Variants in ATE1 observed in about 807,000 individuals in gnomAD.
ATE1 encodes the protein arginyltransferase 1.
ATE1 carries 36 observed loss-of-function variants against 70.5 expected under a neutral mutation model. That is an observed-to-expected ratio of 0.51 (90% CI 0.39 to 0.67). The LOEUF is 0.67. Among genes scored for constraint, ATE1 ranks in the 30% least tolerant of loss-of-function variants. The pLI is 0.00. For synonymous variants in ATE1, 232 were observed against 219.3 expected, an observed-to-expected ratio of 1.06 and a Z score of -0.51; for missense variants, 593 against 629.5, an observed-to-expected ratio of 0.94 and a Z score of 0.62.
intron 11 of ATE1, among the ~76,000 whole-genome samples, chr10:121,752,064 G>T (rs1420557697): frequency 6.6e-6 from 1 of 151,110 alleles, no homozygotes; most frequent in Admixed American, 6.6e-5. Context: ...AGGCACGGTG[G>T]CGGCCGCCTG....
At chr10:121,823,814 C>T (rs1564870134) in intron 10 of ATE1, among the ~76,000 whole-genome samples, 1 of 152,176 alleles carries the variant, frequency 6.6e-6, no homozygotes. Flanking sequence ...ATTAACATGG[C>T]AAGTGCTTTA....
At chr10:121,916,415 G>C (rs1218014531) in intron 3 of ATE1, among the ~76,000 whole-genome samples, 1 of 152,090 alleles carries the variant, frequency 6.6e-6, no homozygotes, top group Non-Finnish European at 1.5e-5. Flanking sequence ...TTTGAGCAGT[G>C]AATCAAAGTT....
chr10:121,835,691 T>G (rs1473159061), intron 10 of ATE1, among the ~76,000 whole-genome samples: 1 of 152,170 alleles, frequency 6.6e-6, no homozygotes, highest in African/African-American at 2.4e-5. Flanking sequence ...AAATTGTGAT[T>G]ACATTTTCAA....
At chr10:121,844,130 T>C (rs1948729259) in intron 8 of ATE1, among the ~76,000 whole-genome samples, 1 of 152,252 alleles carries the variant, frequency 6.6e-6, no homozygotes, top group Non-Finnish European at 1.5e-5. Flanking sequence ...TTGGGTGTCA[T>C]GGCTTATGCC....
intron 10 of ATE1, among the ~76,000 whole-genome samples, chr10:121,823,794 C>T (rs935902947): frequency 2.0e-5 from 3 of 152,200 alleles, no homozygotes; most frequent in African/African-American, 7.2e-5. Flanking sequence ...CCCCTTAAAA[C>T]TTACCTTTAA....
At chr10:121,771,591 T>C (rs774884774) in intron 11 of ATE1, among the ~76,000 whole-genome samples, 16 of 152,228 alleles carry the variant, frequency 1.1e-4, no homozygotes, top group Non-Finnish European at 2.4e-4. Flanking sequence ...TTTAGTTTTA[T>C]TTTTAATCCC....
chr10:121,793,877 C>A (rs11200159), intron 10 of ATE1, among the ~76,000 whole-genome samples: 103,101 of 151,910 alleles, frequency 0.68, 35,185 homozygotes, highest in African/African-American at 0.75. Flanking sequence ...ATAATTAAGA[C>A]GGCCACCCTC....
chr10:121,861,762 A>G (rs12262701), intron 8 of ATE1, among the ~76,000 whole-genome samples: 19,989 of 143,806 alleles, frequency 0.14, 1,523 homozygotes, highest in East Asian at 0.2. Flanking sequence ...AAAAAAAAAA[A>G]AGAGATATAT....
intron 10 of ATE1, among the ~76,000 whole-genome samples, chr10:121,818,720 T>A (rs1184644224): frequency 6.6e-6 from 1 of 152,240 alleles, no homozygotes; most frequent in Non-Finnish European, 1.5e-5. Flanking sequence ...AGCTTTAAGA[T>A]CTACTTACAG....
At chr10:121,764,433 T>C (rs1945188686) in intron 11 of ATE1, among the ~76,000 whole-genome samples, 1 of 149,852 alleles carries the variant, frequency 6.7e-6, no homozygotes, top group Non-Finnish European at 1.5e-5. Context: ...AGCCAGGAAT[T>C]TGAGACCAGC....
At chr10:121,918,660 CT>C (rs1214890661) in intron 3 of ATE1, among the ~76,000 whole-genome samples, 1 of 152,078 alleles carries the variant, frequency 6.6e-6, no homozygotes, top group East Asian at 1.9e-4. Context: ...TAGAAGATAC[CT>C]TCTCTTTATA....
chr10:121,811,347 A>G (rs1316005800), intron 10 of ATE1, among the ~76,000 whole-genome samples: 1 of 152,220 alleles, frequency 6.6e-6, no homozygotes, highest in Admixed American at 6.5e-5. Context: ...AATACTACCA[A>G]TAGGTAAATC....
At chr10:121,758,656 G>A (rs924964623) in intron 11 of ATE1, among the ~76,000 whole-genome samples, 3 of 152,056 alleles carry the variant, frequency 2.0e-5, no homozygotes, top group Non-Finnish European at 4.4e-5. Flanking sequence ...TTGTTTGTTT[G>A]TTTTTACAAA....
intron 8 of ATE1, among the ~76,000 whole-genome samples, chr10:121,853,567 C>T (rs1200093719): frequency 6.6e-6 from 1 of 151,746 alleles, no homozygotes; most frequent in African/African-American, 2.4e-5. Context: ...TGAAAAAAAT[C>T]CAAAATCCGA....
At chr10:121,747,864 A>G (rs1944430957) in intron 11 of ATE1, among the ~76,000 whole-genome samples, 1 of 152,228 alleles carries the variant, frequency 6.6e-6, no homozygotes. Flanking sequence ...CAAACAAAGG[A>G]AGAGGCAATA....
intron 11 of ATE1, among the ~76,000 whole-genome samples, chr10:121,746,421 T>G (rs1944374108): frequency 6.6e-6 from 1 of 152,192 alleles, no homozygotes; most frequent in South Asian, 2.1e-4. Flanking sequence ...TCATCTTTTT[T>G]TATATTCTAC....
chr10:121,779,125 C>A (rs1488377158), intron 11 of ATE1, among the ~76,000 whole-genome samples: 2 of 152,198 alleles, frequency 1.3e-5, no homozygotes, highest in Non-Finnish European at 2.9e-5. Flanking sequence ...ACCTCCAATT[C>A]TTTGACCTTT....
intron 8 of ATE1, among the ~76,000 whole-genome samples, chr10:121,847,073 T>C (rs1455676178): frequency 6.6e-6 from 1 of 152,224 alleles, no homozygotes; most frequent in African/African-American, 2.4e-5. Context: ...AACAAGTTTC[T>C]ACATATTAGT....
chr10:121,766,000 A>G (rs1945264416), intron 11 of ATE1, among the ~76,000 whole-genome samples: 1 of 152,176 alleles, frequency 6.6e-6, no homozygotes, highest in Admixed American at 6.5e-5. Flanking sequence ...GATATCATAT[A>G]TTATAATTGT....
Sources: gnomAD v4.1 joint callset for allele counts (sites outside exome capture counted in the v4.1 genomes callset) on GRCh38, gnomAD v4.1.1 for gene constraint, MANE v1.5 for transcripts, NCBI Gene and HGNC (gene_info 2026-07-23, HGNC 2026-07-21) for gene names.